TRPM3: variants seen among roughly 807,000 people sequenced by gnomAD.
TRPM3 encodes transient receptor potential cation channel subfamily M member 3.
Under a neutral mutation model 181.2 loss-of-function variants are expected in TRPM3, and 77 were observed. The observed-to-expected ratio is 0.42, with a 90% CI of 0.35 to 0.51. TRPM3 has a LOEUF of 0.51. Among genes scored for constraint, TRPM3 ranks in the 20% least tolerant of loss-of-function variants. The pLI, the probability that TRPM3 is intolerant of heterozygous loss-of-function variation, is 0.01. For missense variants in TRPM3, 1,759 were observed against 2,196.7 expected (o/e 0.80, Z 3.98); for synonymous variants, 745 against 796.4 (o/e 0.94, Z 1.09).
intron 9 of TRPM3, among the ~76,000 whole-genome samples, chr9:70,642,612 A>G (rs76402683): frequency 7.6e-4 from 116 of 152,276 alleles, no homozygotes; most frequent in African/African-American, 2.8e-3. Flanking sequence ...GGATATTTTT[A>G]AAGCTCTCCA....
intron 1 of TRPM3, among the ~76,000 whole-genome samples, chr9:71,238,724 A>C (rs2081502094): frequency 6.6e-6 from 1 of 152,200 alleles, no homozygotes; most frequent in Non-Finnish European, 1.5e-5. Context: ...AAGGTTGTCA[A>C]GAAAACTTAT....
chr9:71,345,150 C>T (rs996666973), intron 1 of TRPM3, among the ~76,000 whole-genome samples: 1 of 152,098 alleles, frequency 6.6e-6, no homozygotes, highest in Non-Finnish European at 1.5e-5. Flanking sequence ...TGGGAATGTA[C>T]ATTAGTTCAA....
intron 1 of TRPM3, among the ~76,000 whole-genome samples, chr9:71,019,393 G>A (rs556845407): frequency 6.6e-6 from 1 of 152,060 alleles, no homozygotes; most frequent in East Asian, 1.9e-4. Context: ...ACATGAATCT[G>A]CTAAGGTCAT....
At chr9:70,684,647 G>A (rs2134297617) in intron 8 of TRPM3, among the ~76,000 whole-genome samples, 1 of 152,188 alleles carries the variant, frequency 6.6e-6, no homozygotes, top group South Asian at 2.1e-4. Flanking sequence ...ACCCATCAAT[G>A]TTGGCAGAGA....
In TRPM3 at chr9:70,796,957, T is replaced by C. The variant is rs145473823; in HGVS notation, c.974-12678A>G. On this transcript the variant is annotated intron_variant, in intron 6 of 25. Transcript: ENST00000677713. ...CAGCCTGGAAAACATAGGGAGATCTTGTCTCTACAAAAAAATTTAAAAGTT... is the reference window on the plus strand; with the variant it reads ...CAGCCTGGAAAACATAGGGAGATCTCGTCTCTACAAAAAAATTTAAAAGTT... Among the ~76,000 whole-genome samples the C allele has an allele frequency of 1.7e-4, 26 of 151,746 alleles. 1 individual carries two copies. In the East Asian group the frequency reaches 5.1e-3, roughly 29 times the overall value.
chr9:71,368,731 C>T (rs561907644), intron 1 of TRPM3, among the ~76,000 whole-genome samples: 4 of 152,058 alleles, frequency 2.6e-5, no homozygotes, highest in African/African-American at 7.2e-5. Flanking sequence ...GGCTTTGGTT[C>T]GTTTAAAAAA....
chr9:70,780,510 G>C (rs936394139), intron 7 of TRPM3, among the ~76,000 whole-genome samples: 1 of 151,000 alleles, frequency 6.6e-6, no homozygotes, highest in African/African-American at 2.4e-5. Flanking sequence ...ATCCTTCCTG[G>C]TGAATAAGGT....
chr9:70,901,249 G>C (rs2096381762), intron 1 of TRPM3, among the ~76,000 whole-genome samples: 3 of 152,192 alleles, frequency 2.0e-5, no homozygotes, highest in Admixed American at 6.5e-5. Flanking sequence ...AAACACCTTT[G>C]ATCATTGACT....
intron 3 of TRPM3, among the ~76,000 whole-genome samples, chr9:70,862,145 C>T (rs550815759): frequency 3.7e-4 from 57 of 152,226 alleles, no homozygotes; most frequent in Middle Eastern, 3.4e-3. Context: ...ATCTCCTGCT[C>T]CACCCTCAGC....
At chr9:71,132,181 A>G (rs1219524811) in intron 1 of TRPM3, among the ~76,000 whole-genome samples, 1 of 152,170 alleles carries the variant, frequency 6.6e-6, no homozygotes, top group Non-Finnish European at 1.5e-5. Context: ...GGTAAGAAAG[A>G]TATTATCATC....
intron 1 of TRPM3, among the ~76,000 whole-genome samples, chr9:71,136,528 T>C (rs2074776538): frequency 6.6e-6 from 1 of 152,216 alleles, no homozygotes; most frequent in Non-Finnish European, 1.5e-5. Context: ...TTCGCAATCA[T>C]ACATAACACA....
intron 1 of TRPM3, among the ~76,000 whole-genome samples, chr9:71,309,395 T>A (rs978170214): frequency 1.3e-5 from 2 of 152,164 alleles, no homozygotes; most frequent in Non-Finnish European, 1.5e-5. Context: ...ACCAATTCAA[T>A]AGCTTGATAT....
intron 7 of TRPM3, among the ~76,000 whole-genome samples, chr9:70,773,435 T>C (rs1024622241): frequency 4.6e-5 from 7 of 152,174 alleles, no homozygotes; most frequent in Admixed American, 1.3e-4. Flanking sequence ...CTCTAAAAAA[T>C]ATTAATTTCA....
intron 1 of TRPM3, among the ~76,000 whole-genome samples, chr9:71,110,857 T>C (rs1257767204): frequency 6.6e-6 from 1 of 152,218 alleles, no homozygotes; most frequent in Non-Finnish European, 1.5e-5. Flanking sequence ...CTAGATTTTA[T>C]CTCAAAATCT....
intron 1 of TRPM3, among the ~76,000 whole-genome samples, chr9:71,056,086 T>A (rs977777392): frequency 2.1e-4 from 32 of 152,046 alleles, no homozygotes; most frequent in African/African-American, 7.0e-4. Flanking sequence ...GAGCAAATTT[T>A]TCCAAGGACA....
chr9:70,814,894 T>C (rs1357883486), intron 6 of TRPM3, among the ~76,000 whole-genome samples: 1 of 151,530 alleles, frequency 6.6e-6, no homozygotes, highest in Non-Finnish European at 1.5e-5. Context: ...CCTCCCTCTT[T>C]CCCTCCCCCT....
chr9:70,773,626 A>C (rs778187876), intron 7 of TRPM3, among the ~76,000 whole-genome samples: 5 of 152,134 alleles, frequency 3.3e-5, no homozygotes, highest in Admixed American at 6.6e-5. Flanking sequence ...CTAGTTTTTC[A>C]AAAAAATTTC....
chr9:71,384,027 C>A (rs2092869094), intron 1 of TRPM3, among the ~76,000 whole-genome samples: 1 of 152,202 alleles, frequency 6.6e-6, no homozygotes, highest in Admixed American at 6.5e-5. Flanking sequence ...TTAGCTTTGA[C>A]TATTCTTCCA....
At chr9:70,842,440 T>C (rs1343140952) in intron 5 of TRPM3, among the ~76,000 whole-genome samples, 1 of 152,172 alleles carries the variant, frequency 6.6e-6, no homozygotes, top group Non-Finnish European at 1.5e-5. Context: ...GATGGTTGCA[T>C]TGTATTGCAT....
Sources: gnomAD v4.1 joint callset for allele counts (sites outside exome capture counted in the v4.1 genomes callset) on GRCh38, gnomAD v4.1.1 for gene constraint, MANE v1.5 for transcripts, NCBI Gene and HGNC (gene_info 2026-07-23, HGNC 2026-07-21) for gene names.